The following ANKRD31 variants were observed in gnomAD, a reference collection of about 807,000 sequenced individuals.
ANKRD31 encodes ankyrin repeat domain 31, also known as ankyrin repeat domain-containing protein 31.
A neutral mutation model predicts 186.0 loss-of-function variants in ANKRD31; 147 were observed. The ratio of observed to expected loss-of-function variants is 0.79; its 90% confidence interval spans 0.69 to 0.91. The LOEUF (loss-of-function observed/expected upper bound fraction) is 0.91. ANKRD31 is among the 40% of genes least tolerant of loss of function. The pLI is 0.00. For missense variants in ANKRD31, 1,986 were observed against 2,148.8 expected (o/e 0.92, Z 1.50); for synonymous variants, 673 against 736.4 (o/e 0.91, Z 1.39).
At chr5:75,192,403 C>T (rs149903390) in intron 9 of ANKRD31, among the ~76,000 whole-genome samples, 268 of 152,230 alleles carry the variant, frequency 1.8e-3, no homozygotes, top group Middle Eastern at 6.8e-3. Context: ...GTTAGTCACA[C>T]ATGTAAATTT....
rs1751431786 is a variant in ANKRD31, at chr5:75,146,317, T to G, written c.3094A>C (p.Lys1032Gln). 2 of 1,536,470 alleles carry G rather than the reference T, an allele frequency of 1.3e-6. No individual in the cohort carries two copies. The highest frequency in any genetic ancestry group is 1.7e-6 in the Non-Finnish European group (2 of 1,146,498). The change falls in exon 14 of 26, where the codon AAA (lysine) becomes CAA (glutamine). Residue 1032 changes from lysine (K) to glutamine (Q), a missense_variant. Coordinates refer to ENST00000506364, the MANE Select transcript of ANKRD31 (RefSeq NM_001372053.1). ...CTGGGAATATAATCCTGTGGCTTTTTGAATAGCTCCACATGATTAGTCAAC... is the reference window on the plus strand; with the variant it reads ...CTGGGAATATAATCCTGTGGCTTTTGGAATAGCTCCACATGATTAGTCAAC... ...SKLTNHVELFKKPQDYIPRAP... is the reference protein window; with the variant it reads ...SKLTNHVELFQKPQDYIPRAP...
intron 25 of ANKRD31, among the ~76,000 whole-genome samples, chr5:75,077,651 C>G (rs553668499): frequency 6.6e-6 from 1 of 151,842 alleles, no homozygotes; most frequent in Non-Finnish European, 1.5e-5. Flanking sequence ...CTTGGCCGGG[C>G]GCGGTGGCTC....
At chr5:75,211,335 G>C (rs1157433741) in intron 3 of ANKRD31, among the ~76,000 whole-genome samples, 1 of 152,124 alleles carries the variant, frequency 6.6e-6, no homozygotes, top group African/African-American at 2.4e-5. Flanking sequence ...TCCATTTTAA[G>C]ACTGAATAAT....
chr5:75,223,901 G>A (rs1757452984), intron 2 of ANKRD31, among the ~76,000 whole-genome samples: 4 of 152,040 alleles, frequency 2.6e-5, no homozygotes, highest in South Asian at 2.1e-4. Flanking sequence ...AGGAGGTCAC[G>A]TGAGCACACA....
intron 17 of ANKRD31, among the ~76,000 whole-genome samples, chr5:75,137,587 T>C (rs934613068): frequency 6.6e-6 from 1 of 152,174 alleles, no homozygotes; most frequent in Non-Finnish European, 1.5e-5. Flanking sequence ...AAAAATATAA[T>C]GTATTAGATT....
chr5:75,073,337 T>C (rs1411527635), intron 25 of ANKRD31, among the ~76,000 whole-genome samples: 1 of 151,784 alleles, frequency 6.6e-6, no homozygotes, highest in Non-Finnish European at 1.5e-5. Context: ...TAAAAGTGCT[T>C]GTTTTAAAGG....
At chr5:75,075,259 T>C (rs1744537472) in intron 25 of ANKRD31, among the ~76,000 whole-genome samples, 1 of 152,206 alleles carries the variant, frequency 6.6e-6, no homozygotes, top group Non-Finnish European at 1.5e-5. Flanking sequence ...TTCACTTTTG[T>C]ACATGCTCCA....
intron 4 of ANKRD31, 74 bp from the exon 5 acceptor site, chr5:75,206,561 A>T: frequency 2.3e-6 from 2 of 867,188 alleles, no homozygotes; most frequent in Middle Eastern, 4.2e-4. Flanking sequence ...ATACAATTTA[A>T]TTTTTCTTTT....
intron 9 of ANKRD31, among the ~76,000 whole-genome samples, chr5:75,192,465 C>G (rs1455287406): frequency 6.6e-6 from 1 of 152,106 alleles, no homozygotes; most frequent in Non-Finnish European, 1.5e-5. Context: ...GAAAAAAGTA[C>G]TAATCTATGA....
At chr5:75,214,563 C>T (rs1376848183) in intron 3 of ANKRD31, among the ~76,000 whole-genome samples, 1 of 152,308 alleles carries the variant, frequency 6.6e-6, no homozygotes, top group African/African-American at 2.4e-5. Context: ...CATAATCTCT[C>T]CATGAGCTCT....
At chr5:75,227,410 A>T (rs1307292595) in intron 2 of ANKRD31, among the ~76,000 whole-genome samples, 1 of 152,230 alleles carries the variant, frequency 6.6e-6, no homozygotes, top group Non-Finnish European at 1.5e-5. Context: ...TACATTGTAA[A>T]ATAATAAAAT....
rs183669071 is a variant in ANKRD31, at chr5:75,152,348, A to C, written c.1852+1853T>G. ...TAGCAGAGGATAGGTTTCCACCGCCAGCCTAAGTTTTGTTCTATTAAGGGA... is the reference window on the plus strand; with the variant it reads ...TAGCAGAGGATAGGTTTCCACCGCCCGCCTAAGTTTTGTTCTATTAAGGGA... On this transcript the variant is annotated intron_variant, in intron 12 of 25. Transcript: ENST00000506364. 3.9e-5 allele frequency among the ~76,000 whole-genome samples: 6 copies of C among 152,174 alleles called. No homozygotes were observed. In the East Asian group the frequency reaches 1.2e-3, roughly 29 times the overall value.
chr5:75,140,170 C>T (rs937472878), intron 15 of ANKRD31, among the ~76,000 whole-genome samples: 1 of 150,950 alleles, frequency 6.6e-6, no homozygotes, highest in Non-Finnish European at 1.5e-5. Flanking sequence ...CACCACTGCA[C>T]TCCAGCCTGG....
chr5:75,162,970 T>A (rs925717409), intron 11 of ANKRD31, among the ~76,000 whole-genome samples: 1 of 152,238 alleles, frequency 6.6e-6, no homozygotes, highest in South Asian at 2.1e-4. Context: ...TATGTCTTTT[T>A]TTAAGCTAAA....
intron 19 of ANKRD31, among the ~76,000 whole-genome samples, chr5:75,115,158 A>C (rs1055974064): frequency 6.6e-6 from 1 of 150,832 alleles, no homozygotes; most frequent in Non-Finnish European, 1.5e-5. Flanking sequence ...GCAATGGGGA[A>C]AGGATTCCCT....
intron 3 of ANKRD31, among the ~76,000 whole-genome samples, chr5:75,215,993 A>T (rs1756936775): frequency 6.6e-6 from 1 of 152,194 alleles, no homozygotes; most frequent in South Asian, 2.1e-4. Context: ...TTTGCTACAG[A>T]TGTTCACATA....
intron 2 of ANKRD31, among the ~76,000 whole-genome samples, chr5:75,224,927 CAAATCAATAATA>C (rs1321075375): frequency 6.6e-6 from 1 of 152,024 alleles, no homozygotes; most frequent in Non-Finnish European, 1.5e-5. Flanking sequence ...AATGCTCTTA[CAAATCAATAATA>C]AAATGAAAAT....
chr5:75,146,854 T>G lies in ANKRD31; in HGVS notation c.2557A>C (p.Thr853Pro). ...TGGAGAGTGTGAGGCTGCTTATCTG[T>G]AGTAACAACTGGTAACTTGATTTCT... Reference protein sequence around the residue: ...HKEIKLPVVTTDKQPHTLQEQ... With the variant: ...HKEIKLPVVTPDKQPHTLQEQ... The change falls in exon 14 of 26, where the codon ACA becomes CCA. Residue 853 changes from threonine to proline, a missense_variant. Thr to Pro is a conservative substitution (Grantham distance 38). Coordinates refer to ENST00000506364, the MANE Select transcript of ANKRD31 (RefSeq NM_001372053.1). 1 of 1,536,384 alleles carries G rather than the reference T, an allele frequency of 6.5e-7. No homozygotes were observed. The highest frequency in any genetic ancestry group is 1.2e-5 in the South Asian group (1 of 84,040).
chr5:75,195,533 T>G lies in ANKRD31; in HGVS notation c.1017+98A>C, dbSNP rs913109863. 3.8e-6 allele frequency: 4 copies of G among 1,051,646 alleles called. No individual in the cohort carries two copies. In the African/African-American group the frequency reaches 6.4e-5, roughly 17 times the overall value. The allele number at this position is 1,051,646 out of a possible 1,614,324, so 65.1% of individuals were successfully genotyped here. On this transcript the variant is annotated intron_variant, in intron 7 of 25. Coordinates refer to ENST00000506364, the MANE Select transcript of ANKRD31 (RefSeq NM_001372053.1). Reference sequence around the variant, plus strand: ...AAGGCAAAATCATAGACTCATATTTTCAGCTACTTGCTCCACTGAAAGATG... The same window carrying G: ...AAGGCAAAATCATAGACTCATATTTGCAGCTACTTGCTCCACTGAAAGATG...
Sources: allele counts gnomAD v4.1 joint callset (sites outside exome capture counted in the v4.1 genomes callset), GRCh38; gene constraint gnomAD v4.1.1; transcripts MANE v1.5; gene names NCBI Gene and HGNC (gene_info 2026-07-23, HGNC 2026-07-21).